The following RARB variants were observed in gnomAD, a reference collection of about 807,000 sequenced individuals.
The protein encoded by RARB is HBV-activated protein.
A neutral mutation model predicts 51.9 loss-of-function variants in RARB; 17 were observed. That is an observed-to-expected ratio of 0.33 (90% confidence interval 0.22 to 0.49). RARB has a LOEUF of 0.49. Among genes scored for constraint, RARB ranks in the 20% least tolerant of loss-of-function variants. RARB has a pLI of 0.99. For missense variants in RARB, 369 were observed against 550.8 expected, an observed-to-expected ratio of 0.67 and a Z score of 3.30; for synonymous variants, 215 against 195.4, an observed-to-expected ratio of 1.10 and a Z score of -0.84.
At chr3:25,306,926 C>G (rs1704167188) in intron 5 of RARB, among the ~76,000 whole-genome samples, 1 of 152,142 alleles carries the variant, frequency 6.6e-6, no homozygotes, top group African/African-American at 2.4e-5. Context: ...GGTGTGCACT[C>G]TTTCCTTGCC....
intron 5 of RARB, among the ~76,000 whole-genome samples, chr3:25,208,399 T>C (rs1453270585): frequency 6.6e-6 from 1 of 152,192 alleles, no homozygotes; most frequent in Admixed American, 6.6e-5. Flanking sequence ...TCAACTTCAT[T>C]CCAGTGATTC....
chr3:25,206,579 C>T (rs1452465314), intron 5 of RARB, among the ~76,000 whole-genome samples: 1 of 152,134 alleles, frequency 6.6e-6, no homozygotes, highest in Non-Finnish European at 1.5e-5. Context: ...CATTTCAGAT[C>T]ATTTATCTTT....
intron 3 of RARB, among the ~76,000 whole-genome samples, chr3:25,511,916 C>T (rs560615724): frequency 2.4e-4 from 37 of 152,122 alleles, no homozygotes; most frequent in African/African-American, 6.5e-4. Flanking sequence ...TTTAAGCATC[C>T]GGGGGAACTG....
At chr3:25,127,193 G>A (rs189323429) in intron 3 of RARB, among the ~76,000 whole-genome samples, 326 of 152,120 alleles carry the variant, frequency 2.1e-3, no homozygotes, top group Middle Eastern at 3.4e-3. Context: ...ATAGCTTCTC[G>A]TTTTCATAGA....
intron 2 of RARB, among the ~76,000 whole-genome samples, chr3:24,959,605 G>C (rs1165860398): frequency 2.0e-5 from 3 of 152,252 alleles, no homozygotes; most frequent in African/African-American, 7.2e-5. Flanking sequence ...TGAGGTTCCA[G>C]GCTTGAGGGT....
intron 2 of RARB, among the ~76,000 whole-genome samples, chr3:24,901,164 C>A (rs528880279): frequency 6.6e-6 from 1 of 152,162 alleles, no homozygotes; most frequent in Admixed American, 6.6e-5. Flanking sequence ...AGTGTCTAAA[C>A]ATTTTTGCAC....
intron 5 of RARB, among the ~76,000 whole-genome samples, chr3:25,378,714 T>C (rs1269117737): frequency 2.0e-5 from 3 of 152,110 alleles, no homozygotes; most frequent in African/African-American, 7.2e-5. Flanking sequence ...GATTAGAGAA[T>C]TAAAGGAAAA....
chr3:25,342,103 A>G (rs1252810027), intron 5 of RARB, among the ~76,000 whole-genome samples: 1 of 152,180 alleles, frequency 6.6e-6, no homozygotes, highest in African/African-American at 2.4e-5. Context: ...ATCCATCAAG[A>G]AATAACTAAT....
At chr3:25,293,160 T>C (rs1015286352) in intron 5 of RARB, among the ~76,000 whole-genome samples, 1 of 152,170 alleles carries the variant, frequency 6.6e-6, no homozygotes, top group African/African-American at 2.4e-5. Context: ...TATACCTGTA[T>C]CTGTATTCTG....
rs530677618 is a variant in RARB at position 25,119,538 on chromosome 3, C to T, written c.-327-12623C>T. Among the ~76,000 whole-genome samples the T allele has an allele frequency of 2.0e-5, 3 of 152,100 alleles. No individual in the cohort carries two copies. In the East Asian group the frequency reaches 5.8e-4, roughly 29 times the overall value. ...TGGCTGCTATTATGGGTCTTATGCA[C>T]CCTGACCCCCATCCATCTTTCAAAT... On this transcript the variant is annotated intron_variant, in intron 3 of 11. Coordinates refer to the RARB transcript ENST00000383772.
At chr3:25,204,624 TGTTA>T (rs1331481494) in intron 5 of RARB, among the ~76,000 whole-genome samples, 1 of 152,204 alleles carries the variant, frequency 6.6e-6, no homozygotes, top group African/African-American at 2.4e-5. Context: ...CCTTTCTGTT[TGTTA>T]GTTTTCCTTC....
intron 2 of RARB, among the ~76,000 whole-genome samples, chr3:25,018,959 A>C (rs1294397656): frequency 5.3e-5 from 8 of 152,204 alleles, no homozygotes; most frequent in Non-Finnish European, 1.2e-4. Flanking sequence ...CCAAAACCTA[A>C]GGACTCCAAA....
In RARB at chr3:25,519,545, A is replaced by G. The variant is rs571719807; in HGVS notation, c.448+18222A>G. Among the ~76,000 whole-genome samples, 255 of 152,276 alleles carry G rather than the reference A, an allele frequency of 1.7e-3. 1 individual carries two copies. Among genetic ancestry groups the G allele is most frequent in the African/African-American group, 5.9e-3 (244 of 41,562 alleles). ...ATGTTCCATTTCTTTTTAATTTAAT[A>G]AAAAATTTATTAAGTTAGAAAGTAT... On this transcript the variant is annotated intron_variant, in intron 3 of 7. Coordinates refer to ENST00000330688, the MANE Select transcript of RARB (RefSeq NM_000965.5).
chr3:25,094,337 A>T (rs559058690), intron 3 of RARB, among the ~76,000 whole-genome samples: 1 of 152,314 alleles, frequency 6.6e-6, no homozygotes, highest in Non-Finnish European at 1.5e-5. Context: ...ATAGTCATTT[A>T]TTAAGCACCT....
chr3:25,318,723 C>T (rs899537630), intron 5 of RARB, among the ~76,000 whole-genome samples: 2 of 152,176 alleles, frequency 1.3e-5, no homozygotes, highest in Non-Finnish European at 2.9e-5. Context: ...TTCTCCCAAC[C>T]ACACAGCCAC....
chr3:25,174,191 ATC>A, exon 5 of RARB: 4 of 262,310 alleles, frequency 1.5e-5, no homozygotes, highest in Admixed American at 4.3e-5. Context: ...CGACGAAAGC[ATC>A]CTTCCTGTAA....
At chr3:25,282,047 G>A (rs1185812331) in intron 5 of RARB, among the ~76,000 whole-genome samples, 1 of 152,194 alleles carries the variant, frequency 6.6e-6, no homozygotes, top group African/African-American at 2.4e-5. Flanking sequence ...TTAGATAAGA[G>A]CGAGTATAAA....
At chr3:25,068,917 AACTTTAT>A (rs1216992086) in intron 3 of RARB, among the ~76,000 whole-genome samples, 3 of 152,004 alleles carry the variant, frequency 2.0e-5, no homozygotes, top group Non-Finnish European at 4.4e-5. Flanking sequence ...TAGGGCCATA[AACTTTAT>A]GAAAAAGGCT....
chr3:25,282,219 T>C (rs946874325), intron 5 of RARB, among the ~76,000 whole-genome samples: 6 of 152,192 alleles, frequency 3.9e-5, no homozygotes, highest in African/African-American at 1.4e-4. Context: ...CTCCGTTGCC[T>C]TGCTTCAACC....
Sources: gnomAD v4.1 joint callset for allele counts (sites outside exome capture counted in the v4.1 genomes callset) on GRCh38, gnomAD v4.1.1 for gene constraint, MANE v1.5 for transcripts, NCBI Gene and HGNC (gene_info 2026-07-23, HGNC 2026-07-21) for gene names.